Variants in VPS13B observed in about 807,000 individuals in gnomAD.
VPS13B encodes intermembrane lipid transfer protein VPS13B.
VPS13B carries 285 observed loss-of-function variants against 426.4 expected under a neutral mutation model. That is an observed-to-expected ratio of 0.67 (90% CI 0.61 to 0.74). VPS13B has a LOEUF of 0.74. Among genes scored for constraint, VPS13B ranks in the 30% least tolerant of loss-of-function variants. VPS13B has a pLI of 0.00. For missense variants in VPS13B, 4,537 were observed against 4,782.6 expected (o/e 0.95, Z 1.51); for synonymous variants, 1,676 against 1,676.4 (o/e 1.00, Z 0.01).
chr8:99,841,678 G>T (rs1815691438), intron 54 of VPS13B, among the ~76,000 whole-genome samples: 1 of 152,120 alleles, frequency 6.6e-6, no homozygotes. Flanking sequence ...CTGCTTCTCA[G>T]TGTCTTCCTT....
chr8:99,445,803 CTTTTA>C (rs1817889395), intron 23 of VPS13B, among the ~76,000 whole-genome samples: 1 of 151,944 alleles, frequency 6.6e-6, no homozygotes, highest in Non-Finnish European at 1.5e-5. Context: ...CATAAATTTT[CTTTTA>C]TTTTTAAAAC....
intron 15 of VPS13B, among the ~76,000 whole-genome samples, chr8:99,164,705 C>T (rs1371047121): frequency 1.3e-5 from 2 of 151,138 alleles, no homozygotes; most frequent in African/African-American, 2.4e-5. Context: ...TTTCTCTCTT[C>T]GACTTCTTCT....
chr8:99,721,166 C>A, intron 39 of VPS13B, 119 bp downstream of exon 39: 2 of 1,055,208 alleles, frequency 1.9e-6, no homozygotes, highest in South Asian at 1.3e-5. Flanking sequence ...GAGAAATACA[C>A]ATCTGTGTGT....
chr8:99,868,319 T>C lies in VPS13B; in HGVS notation c.11246T>C (p.Met3749Thr), dbSNP rs1023939009. 1 of 1,614,188 alleles carries C rather than the reference T, an allele frequency of 6.2e-7. No individual in the cohort carries two copies. Among genetic ancestry groups the C allele is most frequent in the Non-Finnish European group, 8.5e-7 (1 of 1,180,030 alleles). ...GAIAGIVDQPMQNFQKTSEAQ... is the reference protein window; with the variant it reads ...GAIAGIVDQPTQNFQKTSEAQ... ...ATTGCTGGTATAGTTGATCAGCCGA[T>C]GCAGAACTTCCAGAAAACATCTGAG... Residue 3749 changes from methionine to threonine, a missense_variant, in exon 59 of 62, where the codon ATG becomes ACG. Around this residue, in one of 2 missense-constraint regions of VPS13B, gnomAD observed 4,311 missense variants for 4,474.3 expected, o/e 0.96. Coordinates refer to ENST00000357162, the MANE Select transcript of VPS13B (RefSeq NM_152564.5).
intron 27 of VPS13B, among the ~76,000 whole-genome samples, chr8:99,503,207 G>A (rs1250530028): frequency 6.6e-6 from 1 of 152,102 alleles, no homozygotes; most frequent in Non-Finnish European, 1.5e-5. Context: ...GTGTACAATA[G>A]CATTATGTAT....
intron 16 of VPS13B, among the ~76,000 whole-genome samples, chr8:99,181,629 T>A (rs923256880): frequency 7.2e-5 from 11 of 152,222 alleles, no homozygotes; most frequent in African/African-American, 2.7e-4. Flanking sequence ...AAGTTCTTTA[T>A]GCAAGTTAGC....
Position 99,136,663 on chromosome 8 carries a change from A to G in VPS13B, c.1564-2A>G. The G allele has an allele frequency of 1.2e-6, 2 of 1,613,516 alleles. No homozygotes were observed. The highest frequency in any genetic ancestry group is 1.7e-4 in the Middle Eastern group (1 of 6,058). On this transcript the variant is annotated splice_acceptor_variant, in intron 11 of 61. Transcript: ENST00000357162. LOFTEE classifies it high-confidence loss of function. ...ATTCTGTTTGCATTGCTTTGTTGGC[A>G]GGAGACATACACTGAGATAGCTGGA... is the stretch of plus-strand genomic sequence containing the variant.
At chr8:99,047,877 G>C (rs796077992) in intron 3 of VPS13B, among the ~76,000 whole-genome samples, 16 of 151,892 alleles carry the variant, frequency 1.1e-4, no homozygotes, top group Non-Finnish European at 1.5e-5. Context: ...TAGTAGAGAC[G>C]TGGTTTCATC....
chr8:99,660,169 C>G (rs1053057108), intron 34 of VPS13B, among the ~76,000 whole-genome samples: 2 of 152,170 alleles, frequency 1.3e-5, no homozygotes, highest in African/African-American at 2.4e-5. Context: ...GATCTAACGT[C>G]ATGATCAATT....
intron 40 of VPS13B, among the ~76,000 whole-genome samples, chr8:99,776,313 TAA>T (rs2130665794): frequency 6.6e-6 from 1 of 152,326 alleles, no homozygotes; most frequent in East Asian, 1.9e-4. Context: ...AGGAATCCTT[TAA>T]AAGTTTTCTG....
chr8:99,139,799 A>G (rs1224763853), intron 12 of VPS13B, among the ~76,000 whole-genome samples: 2 of 151,896 alleles, frequency 1.3e-5, no homozygotes, highest in Non-Finnish European at 2.9e-5. Flanking sequence ...AATTTTAAGT[A>G]TTAATGAGCT....
intron 39 of VPS13B, among the ~76,000 whole-genome samples, chr8:99,746,915 C>G (rs953598387): frequency 1.3e-5 from 2 of 152,070 alleles, no homozygotes; most frequent in Non-Finnish European, 2.9e-5. Flanking sequence ...ATAAATATCC[C>G]TTTAATGGAC....
intron 3 of VPS13B, among the ~76,000 whole-genome samples, chr8:99,042,071 C>T (rs1327709821): frequency 4.0e-5 from 6 of 149,826 alleles, no homozygotes; most frequent in Non-Finnish European, 8.9e-5. Flanking sequence ...ACCCAGGAGG[C>T]GGAGGTTGTG....
At chr8:99,376,603 A>C (rs1019693502) in intron 19 of VPS13B, among the ~76,000 whole-genome samples, 6 of 152,132 alleles carry the variant, frequency 3.9e-5, no homozygotes, top group Non-Finnish European at 8.8e-5. Flanking sequence ...TTCTCTCTCT[A>C]AAATCTCAAA....
intron 6 of VPS13B, among the ~76,000 whole-genome samples, chr8:99,112,081 C>G (rs958338686): frequency 6.6e-6 from 1 of 152,092 alleles, no homozygotes; most frequent in African/African-American, 2.4e-5. Flanking sequence ...ATTTTCTGTC[C>G]AATGTAGTGT....
intron 31 of VPS13B, among the ~76,000 whole-genome samples, chr8:99,573,981 A>C (rs1825626764): frequency 6.6e-6 from 1 of 152,118 alleles, no homozygotes; most frequent in Non-Finnish European, 1.5e-5. Context: ...TTCGTTGAGC[A>C]GTGGTTTGTA....
intron 17 of VPS13B, among the ~76,000 whole-genome samples, chr8:99,207,204 G>A (rs368046836): frequency 2.6e-5 from 4 of 152,044 alleles, no homozygotes; most frequent in African/African-American, 9.7e-5. Flanking sequence ...AATTAATATA[G>A]GTTTAACCCA....
chr8:99,066,595 A>C (rs1288499705), intron 3 of VPS13B, among the ~76,000 whole-genome samples: 1 of 152,248 alleles, frequency 6.6e-6, no homozygotes, highest in Non-Finnish European at 1.5e-5. Context: ...GGCATGGGCA[A>C]GGACTTCATG....
intron 19 of VPS13B, among the ~76,000 whole-genome samples, chr8:99,372,369 A>G (rs1430906721): frequency 6.6e-6 from 1 of 152,192 alleles, no homozygotes. Context: ...ATCAGAGTGA[A>G]CATGCAGCCT....
Sources: gnomAD v4.1 joint callset for allele counts (sites outside exome capture counted in the v4.1 genomes callset) on GRCh38, gnomAD v4.1.1 for gene constraint, gnomAD v4.1.1 regional missense constraint, MANE v1.5 for transcripts, NCBI Gene and HGNC (gene_info 2026-07-23, HGNC 2026-07-21) for gene names.